Variants in OSBPL10 observed in about 807,000 individuals in gnomAD.
The protein encoded by OSBPL10 is oxysterol-binding protein-related protein 10.
In OSBPL10, 49 loss-of-function variants were observed where a neutral mutation model predicts 81.7. The ratio of observed to expected loss-of-function variants is 0.60; its 90% CI spans 0.48 to 0.76. OSBPL10 has a LOEUF of 0.76. Ranked by LOEUF, OSBPL10 falls within the 30% of genes least tolerant of loss-of-function variation. OSBPL10 has a pLI of 0.00. For missense variants in OSBPL10, 923 were observed against 987.8 expected (o/e 0.93, Z 0.88); for synonymous variants, 419 against 383.6 (o/e 1.09, Z -1.08).
At chr3:31,898,038 CAGA>C (rs1393249580) in intron 1 of OSBPL10, among the ~76,000 whole-genome samples, 7 of 57,170 alleles carry the variant, frequency 1.2e-4, no homozygotes, top group African/African-American at 2.4e-4. Flanking sequence ...AAAAAAAAAA[CAGA>C]AGAAGAAGAG....
chr3:31,793,867 A>T (rs2125430954), intron 4 of OSBPL10, among the ~76,000 whole-genome samples: 1 of 152,370 alleles, frequency 6.6e-6, no homozygotes, highest in Middle Eastern at 3.4e-3. Flanking sequence ...TATTTGAAGA[A>T]AAACAGTAAA....
At chr3:31,940,267 C>T (rs1360454931) in intron 1 of OSBPL10, among the ~76,000 whole-genome samples, 1 of 152,236 alleles carries the variant, frequency 6.6e-6, no homozygotes, top group South Asian at 2.1e-4. Context: ...CTGATGCACT[C>T]AACAATGTGG....
chr3:31,706,009 T>C (rs1467098672), intron 6 of OSBPL10, among the ~76,000 whole-genome samples: 1 of 152,090 alleles, frequency 6.6e-6, no homozygotes. Context: ...TAAAATGGAA[T>C]TAAAATATGT....
At chr3:31,758,824 A>G (rs575627922) in intron 4 of OSBPL10, among the ~76,000 whole-genome samples, 1 of 152,266 alleles carries the variant, frequency 6.6e-6, no homozygotes, top group East Asian at 1.9e-4. Context: ...TTGAATATGT[A>G]TATTTGGCCA....
At chr3:31,775,586 A>G (rs1396321739) in intron 4 of OSBPL10, among the ~76,000 whole-genome samples, 1 of 152,164 alleles carries the variant, frequency 6.6e-6, no homozygotes, top group Non-Finnish European at 1.5e-5. Flanking sequence ...AGCATCATCT[A>G]TGTGGATGCT....
At chr3:31,773,702 A>G (rs1023668871) in intron 4 of OSBPL10, among the ~76,000 whole-genome samples, 1 of 152,202 alleles carries the variant, frequency 6.6e-6, no homozygotes, top group Admixed American at 6.5e-5. Context: ...AGGAATACTC[A>G]TGAGTGTGGC....
intron 1 of OSBPL10, among the ~76,000 whole-genome samples, chr3:31,896,985 C>G (rs2125669654): frequency 6.6e-6 from 1 of 152,232 alleles, no homozygotes; most frequent in Non-Finnish European, 1.5e-5. Context: ...TGGTAGAAAA[C>G]TTAGGCAAGA....
At chr3:31,668,611 G>A in intron 10 of OSBPL10, 31 bp downstream of exon 10, 2 of 1,574,294 alleles carry the variant, frequency 1.3e-6, no homozygotes, top group Non-Finnish European at 1.7e-6. Flanking sequence ...GCATGACTAA[G>A]CTGGAGAGGA....
intron 2 of OSBPL10, among the ~76,000 whole-genome samples, chr3:32,042,669 G>A (rs1010152435): frequency 2.6e-5 from 4 of 152,136 alleles, no homozygotes; most frequent in African/African-American, 9.7e-5. Context: ...GTCACCGGGG[G>A]TGACATCACA....
chr3:31,918,286 C>G (rs2125702541), intron 1 of OSBPL10, among the ~76,000 whole-genome samples: 1 of 150,434 alleles, frequency 6.6e-6, no homozygotes, highest in South Asian at 2.1e-4. Flanking sequence ...GAAAGTGAAA[C>G]AAAAACATCT....
intron 4 of OSBPL10, chr3:31,796,269 TGTGGAAA>T (rs1699208529): frequency 5.6e-6 from 1 of 177,424 alleles, no homozygotes; most frequent in Non-Finnish European, 1.3e-5. Flanking sequence ...GTACAGCAAA[TGTGGAAA>T]GATATTTACC....
At chr3:31,811,083 T>C (rs1003430701) in intron 4 of OSBPL10, among the ~76,000 whole-genome samples, 9 of 148,834 alleles carry the variant, frequency 6.0e-5, no homozygotes, top group African/African-American at 2.2e-4. Context: ...TAAGCAAGAG[T>C]CAAAACAGGA....
intron 1 of OSBPL10, among the ~76,000 whole-genome samples, chr3:32,069,132 C>G (rs1321719100): frequency 1.3e-5 from 2 of 152,156 alleles, no homozygotes; most frequent in African/African-American, 4.8e-5. Context: ...CACAAATCAG[C>G]CAGTGTTTAG....
chr3:31,832,523 T>C (rs905512289), intron 3 of OSBPL10, among the ~76,000 whole-genome samples: 2 of 152,188 alleles, frequency 1.3e-5, no homozygotes, highest in African/African-American at 4.8e-5. Context: ...TAGGAAAATA[T>C]CTACTGTGTA....
intron 2 of OSBPL10, among the ~76,000 whole-genome samples, chr3:32,041,649 TTTTC>T (rs1011815700): frequency 8.6e-4 from 28 of 32,626 alleles, no homozygotes; most frequent in Admixed American, 5.2e-3. Flanking sequence ...CTTTCTTTCT[TTTTC>T]TTTCTTTCTT....
At chr3:31,812,794 GAAAGAAAGAAAGAAAGAAAGAA>G (rs1559476441) in intron 4 of OSBPL10, among the ~76,000 whole-genome samples, 6 of 46,836 alleles carry the variant, frequency 1.3e-4, no homozygotes, top group African/African-American at 2.1e-4. Flanking sequence ...AAGAAAGAAA[GAAAGAAAGAAAGAAAGAAAGAA>G]AGAGAAAGAA....
chr3:31,698,188 G>A (rs938891961), intron 7 of OSBPL10, among the ~76,000 whole-genome samples: 1 of 151,692 alleles, frequency 6.6e-6, no homozygotes, highest in African/African-American at 2.4e-5. Flanking sequence ...GGTGGCTCAC[G>A]TCTGTAATAC....
intron 1 of OSBPL10, among the ~76,000 whole-genome samples, chr3:31,930,343 A>G (rs948660394): frequency 6.6e-6 from 1 of 152,202 alleles, no homozygotes. Flanking sequence ...ACCACATCCT[A>G]TTGATAGGCA....
chr3:31,848,059 C>G (rs1417736617), intron 3 of OSBPL10, among the ~76,000 whole-genome samples: 12 of 152,130 alleles, frequency 7.9e-5, no homozygotes. Flanking sequence ...GAGCAGGGAC[C>G]CTGGGAAAGG....
Sources: gnomAD v4.1 joint callset for allele counts (sites outside exome capture counted in the v4.1 genomes callset) on GRCh38, gnomAD v4.1.1 for gene constraint, MANE v1.5 for transcripts, NCBI Gene and HGNC (gene_info 2026-07-23, HGNC 2026-07-21) for gene names.